Variants in ACMSD observed in about 807,000 individuals in gnomAD.
ACMSD encodes the protein aminocarboxymuconate semialdehyde decarboxylase.
Under a neutral mutation model 45.9 loss-of-function variants are expected in ACMSD, and 37 were observed. That is an observed-to-expected ratio of 0.81 (90% CI 0.62 to 1.06). The LOEUF (loss-of-function observed/expected upper bound fraction) is 1.06. Ranked by LOEUF, ACMSD falls within the 50% of genes least tolerant of loss-of-function variation. ACMSD has a pLI of 0.00. For synonymous variants in ACMSD, 138 were observed against 148.8 expected, an observed-to-expected ratio of 0.93 and a Z score of 0.53; for missense variants, 434 against 420.9, an observed-to-expected ratio of 1.03 and a Z score of -0.27.
At chr2:134,870,678 T>C (rs1688387485) in intron 6 of ACMSD, among the ~76,000 whole-genome samples, 1 of 152,160 alleles carries the variant, frequency 6.6e-6, no homozygotes, top group African/African-American at 2.4e-5. Flanking sequence ...GCACACTCCA[T>C]CTGTCCCACT....
chr2:134,865,550 A>G (rs74632216), intron 5 of ACMSD, among the ~76,000 whole-genome samples: 6,032 of 152,284 alleles, frequency 0.04, 267 homozygotes, highest in East Asian at 0.14. Context: ...ATTCAGGAGC[A>G]CATCCTGTCC....
chr2:134,889,273 A>G (rs1010058904), intron 8 of ACMSD, among the ~76,000 whole-genome samples: 1 of 152,182 alleles, frequency 6.6e-6, no homozygotes, highest in Admixed American at 6.6e-5. Flanking sequence ...GGAAATATAG[A>G]TATGTGTGTG....
intron 8 of ACMSD, among the ~76,000 whole-genome samples, chr2:134,890,909 G>C (rs536078862): frequency 6.7e-4 from 102 of 152,060 alleles, no homozygotes; most frequent in African/African-American, 2.2e-3. Flanking sequence ...TAGGAGTTCA[G>C]ACTAGTCAGG....
intron 8 of ACMSD, among the ~76,000 whole-genome samples, chr2:134,885,469 AT>A (rs1225014610): frequency 1.2e-5 from 1 of 83,944 alleles, no homozygotes; most frequent in Non-Finnish European, 2.0e-5. Flanking sequence ...TAGATATGTG[AT>A]TTTTTTTCAG....
intron 4 of ACMSD, among the ~76,000 whole-genome samples, chr2:134,862,263 T>C (rs188469110): frequency 3.9e-5 from 6 of 152,256 alleles, no homozygotes; most frequent in Non-Finnish European, 8.8e-5. Context: ...TGTACAGTGG[T>C]ACTAGACCAG....
chr2:134,862,927 G>A lies in ACMSD; in HGVS notation c.250-468G>A, dbSNP rs1472391034. On this transcript the variant is annotated intron_variant, in intron 4 of 9. Coordinates refer to ENST00000356140, the MANE Select transcript of ACMSD (RefSeq NM_138326.3). ...CCCTGAATGTCACAGCCAACAAGAAGGACAGAGAGGAGGACAGGCAGGGGC... is the reference window on the plus strand; with the variant it reads ...CCCTGAATGTCACAGCCAACAAGAAAGACAGAGAGGAGGACAGGCAGGGGC... 4.1e-6 allele frequency: 4 copies of A among 979,448 alleles called. No individual in the cohort carries two copies. The East Asian group carries it at 3.4e-4, about 84-fold the overall frequency. 60.7% of individuals were successfully genotyped at this position (979,448 alleles called of 1,614,324 possible). A position where few individuals can be genotyped will look rare whatever the true frequency, so the allele number is the denominator to read the frequency against.
chr2:134,855,299 G>GCAA (rs1279532461), intron 2 of ACMSD, among the ~76,000 whole-genome samples: 1 of 152,166 alleles, frequency 6.6e-6, no homozygotes, highest in East Asian at 1.9e-4. Context: ...CACAGCCAAG[G>GCAA]CAACACCACA....
At chr2:134,845,784 G>A (rs1212296531) in intron 2 of ACMSD, among the ~76,000 whole-genome samples, 2 of 152,148 alleles carry the variant, frequency 1.3e-5, no homozygotes, top group Non-Finnish European at 1.5e-5. Context: ...GAAGGCTGTG[G>A]GCAAAGCCCT....
intron 2 of ACMSD, among the ~76,000 whole-genome samples, chr2:134,851,125 CTTCA>C (rs969805979): frequency 4.5e-4 from 68 of 152,216 alleles, no homozygotes; most frequent in African/African-American, 1.6e-3. Context: ...AAGGATATGA[CTTCA>C]TTATTTTTTA....
At chr2:134,854,195 G>C (rs553846841) in intron 2 of ACMSD, among the ~76,000 whole-genome samples, 1 of 152,332 alleles carries the variant, frequency 6.6e-6, no homozygotes, top group South Asian at 2.1e-4. Context: ...ATAATACATG[G>C]TAAAATCTGG....
At chr2:134,889,766 A>C (rs1287306200) in intron 8 of ACMSD, among the ~76,000 whole-genome samples, 2 of 152,074 alleles carry the variant, frequency 1.3e-5, no homozygotes, top group African/African-American at 4.8e-5. Flanking sequence ...GTGGGGAAAT[A>C]GCATAAGGAT....
chr2:134,895,752 T>C lies in ACMSD; in HGVS notation c.850-2589T>C, dbSNP rs570503527. Among the ~76,000 whole-genome samples the C allele has an allele frequency of 3.1e-4, 47 of 152,256 alleles. No individual in the cohort carries two copies. The East Asian group carries it at 8.1e-3, about 26-fold the overall frequency. ...GGCGTGTGCCTGTAATTTCAGCTAC[T>C]TGGGAGGCTGAGGCAGGAGAATTGC... On this transcript the variant is annotated intron_variant, in intron 8 of 9. Coordinates refer to ENST00000356140, the MANE Select transcript of ACMSD (RefSeq NM_138326.3).
chr2:134,868,181 A>G (rs763946188), intron 6 of ACMSD, among the ~76,000 whole-genome samples: 1 of 152,168 alleles, frequency 6.6e-6, no homozygotes, highest in Non-Finnish European at 1.5e-5. Flanking sequence ...CCACCCAAAG[A>G]TCTGAAATCT....
intron 8 of ACMSD, among the ~76,000 whole-genome samples, chr2:134,882,399 A>G (rs1689088939): frequency 6.6e-6 from 1 of 152,168 alleles, no homozygotes; most frequent in African/African-American, 2.4e-5. Flanking sequence ...CTCAGCTTCT[A>G]CAACTCTAAA....
Position 134,888,723 on chromosome 2 carries a change from T to A in ACMSD, c.850-9618T>A, listed in dbSNP as rs150373683. 9.3e-5 allele frequency among the ~76,000 whole-genome samples: 14 copies of A among 151,236 alleles called. No individual in the cohort carries two copies. In the East Asian group the frequency reaches 2.7e-3, roughly 29 times the overall value. On this transcript the variant is annotated intron_variant, in intron 8 of 9. Coordinates refer to ENST00000356140, the MANE Select transcript of ACMSD (RefSeq NM_138326.3). ...TAGATAACTCTTACAAAAGGCTGAA[T>A]GAATGAAGCTGGATCCCAGAGAGTG... is the stretch of plus-strand genomic sequence containing the variant.
At chr2:134,861,568 T>C (rs1687850437) in intron 3 of ACMSD, among the ~76,000 whole-genome samples, 3 of 152,162 alleles carry the variant, frequency 2.0e-5, no homozygotes, top group Non-Finnish European at 4.4e-5. Flanking sequence ...ATTCTGGGTA[T>C]TTCAGATCAT....
intron 1 of ACMSD, among the ~76,000 whole-genome samples, chr2:134,842,940 G>T (rs1329119145): frequency 1.3e-5 from 2 of 152,156 alleles, no homozygotes; most frequent in South Asian, 2.1e-4. Flanking sequence ...ATGGGTTACA[G>T]TTCCTTACAG....
intron 3 of ACMSD, 101 bp downstream of exon 3, chr2:134,859,458 T>A (rs1411456210): frequency 9.0e-7 from 1 of 1,113,322 alleles, no homozygotes; most frequent in African/African-American, 1.5e-5. Context: ...TCTGACCCCC[T>A]TTTCTCTGCC....
At chr2:134,850,572 A>AATAG (rs1687289688) in intron 2 of ACMSD, among the ~76,000 whole-genome samples, 1 of 152,206 alleles carries the variant, frequency 6.6e-6, no homozygotes, top group Non-Finnish European at 1.5e-5. Context: ...TTGGCCAAAA[A>AATAG]ATAGATTTCT....
Sources: gnomAD v4.1 joint callset for allele counts (sites outside exome capture counted in the v4.1 genomes callset) on GRCh38, gnomAD v4.1.1 for gene constraint, MANE v1.5 for transcripts, NCBI Gene and HGNC (gene_info 2026-07-23, HGNC 2026-07-21) for gene names.